The following ADAM23 variants were observed in gnomAD, a reference collection of about 807,000 sequenced individuals.
The protein encoded by ADAM23 is disintegrin and metalloproteinase domain-containing protein 23.
In ADAM23, 33 loss-of-function variants were observed where a neutral mutation model predicts 120.1. The observed-to-expected ratio is 0.27, with a 90% CI of 0.21 to 0.37. The LOEUF (loss-of-function observed/expected upper bound fraction) is 0.37, where lower values mean the gene tolerates loss of function less well. Among genes scored for constraint, ADAM23 ranks in the 10% least tolerant of loss-of-function variants. The probability of loss-of-function intolerance (pLI) is 1.00; values close to 1 mark genes in which losing one functional copy is unlikely to be tolerated. For synonymous variants in ADAM23, 367 were observed against 375.2 expected, an observed-to-expected ratio of 0.98 and a Z score of 0.25; for missense variants, 862 against 1,058.2, an observed-to-expected ratio of 0.81 and a Z score of 2.57.
At chr2:206,607,357 G>T (rs1698748051) in intron 24 of ADAM23, among the ~76,000 whole-genome samples, 1 of 152,142 alleles carries the variant, frequency 6.6e-6, no homozygotes, top group Non-Finnish European at 1.5e-5. Flanking sequence ...CTTTTTCAGG[G>T]CCAGCTCCAT....
chr2:206,512,413 A>T (rs1696641583), intron 3 of ADAM23, among the ~76,000 whole-genome samples: 1 of 152,238 alleles, frequency 6.6e-6, no homozygotes, highest in Non-Finnish European at 1.5e-5. Context: ...TAGCTATTTC[A>T]AAAATGTCCT....
At chr2:206,459,893 A>G (rs1695379415) in intron 2 of ADAM23, among the ~76,000 whole-genome samples, 1 of 152,162 alleles carries the variant, frequency 6.6e-6, no homozygotes, top group African/African-American at 2.4e-5. Context: ...AGATCCAGCC[A>G]CTTCTTCTTT....
At chr2:206,485,708 G>C (rs1695997999) in intron 3 of ADAM23, among the ~76,000 whole-genome samples, 1 of 152,220 alleles carries the variant, frequency 6.6e-6, no homozygotes, top group Admixed American at 6.5e-5. Flanking sequence ...ATGTTGCTGA[G>C]AATAAGATAG....
chr2:206,543,962 G>A (rs1291028658), intron 6 of ADAM23, among the ~76,000 whole-genome samples: 1 of 152,146 alleles, frequency 6.6e-6, no homozygotes, highest in African/African-American at 2.4e-5. Flanking sequence ...TGATACATTG[G>A]ACTTTGGAGG....
chr2:206,605,441 A>C (rs1359851252), intron 24 of ADAM23, among the ~76,000 whole-genome samples: 1 of 152,256 alleles, frequency 6.6e-6, no homozygotes, highest in Non-Finnish European at 1.5e-5. Flanking sequence ...CTAATGGTTC[A>C]TTACTTTTGT....
At chr2:206,591,836 A>C (rs1383514946) in intron 21 of ADAM23, among the ~76,000 whole-genome samples, 1 of 152,130 alleles carries the variant, frequency 6.6e-6, no homozygotes, top group Non-Finnish European at 1.5e-5. Flanking sequence ...TTTTGCTTTT[A>C]TCTGTTCTGG....
chr2:206,597,239 G>C (rs1313021825), intron 24 of ADAM23, among the ~76,000 whole-genome samples: 1 of 149,860 alleles, frequency 6.7e-6, no homozygotes, highest in Non-Finnish European at 1.5e-5. Flanking sequence ...GAGTGCAGCG[G>C]TGTGATCTTG....
chr2:206,613,539 GC>G (rs1698876353), intron 25 of ADAM23, among the ~76,000 whole-genome samples: 1 of 152,140 alleles, frequency 6.6e-6, no homozygotes, highest in South Asian at 2.1e-4. Context: ...TTCACCCCAT[GC>G]TCCTGTTCTT....
At chr2:206,445,249 ATG>A in intron 1 of ADAM23, 56 bp from the exon 2 acceptor site, 1 of 1,232,528 alleles carries the variant, frequency 8.1e-7, no homozygotes, top group Non-Finnish European at 1.2e-6. Context: ...TGGGGTAAAT[ATG>A]TGTGTGTTTG....
chr2:206,464,727 C>T (rs2105862895), intron 2 of ADAM23, among the ~76,000 whole-genome samples: 2 of 152,168 alleles, frequency 1.3e-5, no homozygotes, highest in East Asian at 3.9e-4. Context: ...CCCCATAGGA[C>T]ATTTGGCAGT....
chr2:206,525,181 A>G (rs1261835030), intron 3 of ADAM23, among the ~76,000 whole-genome samples: 1 of 152,130 alleles, frequency 6.6e-6, no homozygotes, highest in Non-Finnish European at 1.5e-5. Context: ...GCTTGCTACT[A>G]TTCATCTAGA....
intron 4 of ADAM23, among the ~76,000 whole-genome samples, chr2:206,535,953 G>A (rs1697163738): frequency 6.6e-6 from 1 of 152,118 alleles, no homozygotes; most frequent in Non-Finnish European, 1.5e-5. Context: ...TACTTAAAAA[G>A]GTAAACTTTA....
At chr2:206,463,339 A>G (rs1695466090) in intron 2 of ADAM23, among the ~76,000 whole-genome samples, 1 of 152,206 alleles carries the variant, frequency 6.6e-6, no homozygotes, top group African/African-American at 2.4e-5. Context: ...GGAGGGGCCC[A>G]CAAGCCAAGG....
At position 206,578,481 on chromosome 2, in the gene ADAM23, A is replaced by G. The variant is rs141763441; in HGVS notation, c.1737+5286A>G. On this transcript the variant is annotated intron_variant, in intron 18 of 25. Coordinates refer to ENST00000264377, the MANE Select transcript of ADAM23 (RefSeq NM_003812.4). ...TCCATTCCTGAGTGACATCACTTAG[A>G]ATAATAGTCTCCACTCTCATCCAGG... 6.9e-3 allele frequency among the ~76,000 whole-genome samples: 1,055 copies of G among 152,248 alleles called. 19 individuals are homozygous for G. The highest frequency in any genetic ancestry group is 0.024 in the African/African-American group (1,014 of 41,510).
At position 206,571,747 on chromosome 2, in the gene ADAM23, T is replaced by C; in HGVS notation, c.1587T>C (p.Cys529=). 1 of 1,614,112 alleles carries C rather than the reference T, an allele frequency of 6.2e-7. No individual in the cohort carries two copies. Residue 529 remains cysteine (C), a synonymous_variant, in exon 17 of 26, where the codon TGT becomes TGC. Transcript: ENST00000264377. ...TCTAGGAATGCTATGGATTATGCTGTAAGAAATGTTCCCTCTCCAACGGGG... is the reference window on the plus strand; with the variant it reads ...TCTAGGAATGCTATGGATTATGCTGCAAGAAATGTTCCCTCTCCAACGGGG... ...GFHVECYGLC[C]KKCSLSNGAH... is the part of the protein sequence containing the mutation.
chr2:206,475,565 A>G (rs1255647997), intron 2 of ADAM23, among the ~76,000 whole-genome samples: 4 of 151,074 alleles, frequency 2.6e-5, no homozygotes, highest in Non-Finnish European at 5.9e-5. Flanking sequence ...TTCTGTGCCT[A>G]CTGTTTTCGT....
intron 2 of ADAM23, among the ~76,000 whole-genome samples, chr2:206,480,383 G>T (rs1308090801): frequency 6.6e-6 from 1 of 152,016 alleles, no homozygotes; most frequent in Admixed American, 6.6e-5. Flanking sequence ...CACCCACTGT[G>T]CCTTAGGAAT....
At chr2:206,444,170 T>C in intron 1 of ADAM23, 90 bp downstream of exon 1, 1 of 1,066,762 alleles carries the variant, frequency 9.4e-7, no homozygotes, top group Non-Finnish European at 1.2e-6. Flanking sequence ...TGCTCCGGGC[T>C]TGTCCCCGGC....
rs59684611 is a variant in ADAM23, at chr2:206,526,141, TACACACACACAC to T, written c.510-4716_510-4705del. On this transcript the variant is annotated intron_variant, in intron 3 of 25. Transcript: ENST00000264377. Reference sequence around the variant, plus strand: ...TCTCATATTCAAGGATTCCAACAAATACACACACACACACACACACACACACACACACACACA... The same window carrying T: ...TCTCATATTCAAGGATTCCAACAAATACACACACACACACACACACACACA... 1.5e-3 allele frequency among the ~76,000 whole-genome samples: 215 copies of T among 145,778 alleles called. 1 individual carries two copies. The highest frequency in any genetic ancestry group is 0.01 in the South Asian group (46 of 4,454).
Sources: gnomAD v4.1 joint callset for allele counts (sites outside exome capture counted in the v4.1 genomes callset) on GRCh38, gnomAD v4.1.1 for gene constraint, MANE v1.5 for transcripts, NCBI Gene and HGNC (gene_info 2026-07-23, HGNC 2026-07-21) for gene names.